Variants in ADGRD1 observed in about 807,000 individuals in gnomAD.
ADGRD1 encodes G-protein coupled receptor 133.
ADGRD1 carries 77 observed loss-of-function variants against 113.4 expected under a neutral mutation model. The observed-to-expected ratio is 0.68, with a 90% CI of 0.57 to 0.82. ADGRD1 has a LOEUF of 0.82. ADGRD1 is among the 40% of genes least tolerant of loss of function. The pLI is 0.00. For missense variants in ADGRD1, 1,036 were observed against 1,139.1 expected (o/e 0.91, Z 1.30); for synonymous variants, 474 against 475.0 (o/e 1.00, Z 0.03).
chr12:130,976,655 A>T (rs1449536924), intron 4 of ADGRD1: 1 of 152,166 alleles, frequency 6.6e-6, no homozygotes, highest in Non-Finnish European at 1.5e-5. Flanking sequence ...GGGTGGATCC[A>T]AATACCCCAG....
At chr12:131,026,339 C>A (rs984507437) in intron 13 of ADGRD1, 1 of 152,142 alleles carries the variant, frequency 6.6e-6, no homozygotes, top group African/African-American at 2.4e-5. Context: ...ATTTTAATGT[C>A]TGCGGGGGGG....
chr12:131,135,322 C>G (rs1450521680), intron 21 of ADGRD1, among the ~76,000 whole-genome samples: 3 of 152,178 alleles, frequency 2.0e-5, no homozygotes. Context: ...CCTGCCTCTC[C>G]TGTGTCAAGA....
intron 13 of ADGRD1, among the ~76,000 whole-genome samples, chr12:131,032,338 C>A (rs28739280): frequency 1.3e-5 from 2 of 151,822 alleles, no homozygotes; most frequent in South Asian, 2.1e-4. Context: ...AGATCCTCCA[C>A]GAGCACGAAT....
intron 20 of ADGRD1, among the ~76,000 whole-genome samples, chr12:131,129,118 G>C (rs113482656): frequency 7.0e-4 from 71 of 102,154 alleles, no homozygotes; most frequent in South Asian, 1.1e-3. Context: ...GTGACAGGCC[G>C]GCCCTGCTGT....
intron 20 of ADGRD1, among the ~76,000 whole-genome samples, chr12:131,130,057 T>C (rs1372934365): frequency 2.0e-5 from 3 of 152,260 alleles, no homozygotes; most frequent in African/African-American, 7.2e-5. Context: ...TGAAAACCAC[T>C]GACCTGTCAT....
chr12:131,131,701 C>T, intron 20 of ADGRD1, 24 bp from the exon 21 acceptor site: 1 of 1,563,188 alleles, frequency 6.4e-7, no homozygotes. Context: ...CCCCCCTCAC[C>T]TTCCTCCATG....
chr12:131,038,872 T>C (rs1267869845), intron 13 of ADGRD1, among the ~76,000 whole-genome samples: 1 of 152,192 alleles, frequency 6.6e-6, no homozygotes, highest in East Asian at 1.9e-4. Flanking sequence ...TTTAAATAAT[T>C]GCAAAACATA....
chr12:131,104,767 G>A (rs959465339), intron 15 of ADGRD1, 64 bp from the exon 16 acceptor site: 7 of 1,174,752 alleles, frequency 6.0e-6, no homozygotes, highest in Non-Finnish European at 7.3e-6. Flanking sequence ...TGGGCCCTCT[G>A]CAGCTTCAGG....
Position 130,984,693 on chromosome 12 carries a change from A to G in ADGRD1, c.491-2402A>G, listed in dbSNP as rs1007273220. Among the ~76,000 whole-genome samples the G allele has an allele frequency of 6.6e-6, 1 of 151,984 alleles. No individual in the cohort carries two copies. Among genetic ancestry groups the G allele is most frequent in the African/African-American group, 2.4e-5 (1 of 41,350 alleles). ...ATTTGCTCTCGGTGTTGTACATTCT[A>G]TGGGTTGGTGAGGTTGATCTTTCGC... On this transcript the variant is annotated intron_variant, in intron 5 of 24. Coordinates refer to ENST00000261654, the MANE Select transcript of ADGRD1 (RefSeq NM_198827.5). This position sits in a 1 kb window ranked among gnomAD's most constrained non-coding sequence, Gnocchi z 4.1.
At chr12:130,973,945 A>G (rs1302479759) in intron 4 of ADGRD1, among the ~76,000 whole-genome samples, 2 of 152,220 alleles carry the variant, frequency 1.3e-5, no homozygotes, top group African/African-American at 4.8e-5. Flanking sequence ...AAGAAAAGAA[A>G]GGAAACAAAG....
chr12:131,042,970 G>A (rs1053409372), intron 13 of ADGRD1, among the ~76,000 whole-genome samples: 3 of 152,230 alleles, frequency 2.0e-5, no homozygotes, highest in East Asian at 1.9e-4. Flanking sequence ...GCGAGGCTGC[G>A]GCCCTCCCCG....
chr12:131,128,164 G>A (rs1950794841), intron 20 of ADGRD1, among the ~76,000 whole-genome samples: 3 of 148,602 alleles, frequency 2.0e-5, no homozygotes, highest in Admixed American at 6.7e-5. Flanking sequence ...GAGCTCAGGT[G>A]GGGTGTTGAT....
At position 131,075,118 on chromosome 12, in the gene ADGRD1, T is replaced by A. The variant is rs1450540464; in HGVS notation, c.1474-1683T>A. 6.6e-6 allele frequency among the ~76,000 whole-genome samples: 1 copy of A among 152,182 alleles called. No individual in the cohort carries two copies. The highest frequency in any genetic ancestry group is 1.5e-5 in the Non-Finnish European group (1 of 68,034). The stretch of plus-strand genomic sequence containing the variant: ...GATGTGTATGGGTCTGGCTGCTGGC[T>A]TCCCCAGGTCACCGACTTATTTTTT... On this transcript the variant is annotated intron_variant, in intron 13 of 24. Coordinates refer to ENST00000261654, the MANE Select transcript of ADGRD1 (RefSeq NM_198827.5). The surrounding 1 kb of genome is among the most constrained non-coding windows in gnomAD (Gnocchi z 5.3).
At chr12:130,985,017 G>A (rs972834523) in intron 5 of ADGRD1, among the ~76,000 whole-genome samples, 8 of 151,456 alleles carry the variant, frequency 5.3e-5, no homozygotes, top group African/African-American at 1.2e-4. Flanking sequence ...TTACTGCAGC[G>A]TTTAACTCCA....
Position 131,076,794 on chromosome 12 carries a change from A to T in ADGRD1, c.1474-7A>T, listed in dbSNP as rs1237165474. 1 of 1,613,658 alleles carries T rather than the reference A, an allele frequency of 6.2e-7. No homozygotes were observed. Among genetic ancestry groups the T allele is most frequent in the Non-Finnish European group, 8.5e-7 (1 of 1,179,610 alleles). Reference sequence around the variant, plus strand: ...TCATGCATCGTGTTTGCTTTCTTTCATTTCAGACACGTAAGCAGCACAGTG... The same window carrying T: ...TCATGCATCGTGTTTGCTTTCTTTCTTTTCAGACACGTAAGCAGCACAGTG... On this transcript the variant is annotated splice_region_variant and splice_polypyrimidine_tract_variant and intron_variant, in intron 13 of 24. Transcript: ENST00000261654.
At position 130,982,827 on chromosome 12, in the gene ADGRD1, G is replaced by A. The variant is rs530599619; in HGVS notation, c.490+764G>A. Among the ~76,000 whole-genome samples, 125 of 152,274 alleles carry A rather than the reference G, an allele frequency of 8.2e-4. 1 individual carries two copies. The highest frequency in any genetic ancestry group is 3.0e-3 in the African/African-American group (123 of 41,556). ...AGGTCTGAAGTGGAAGCTGGAGAAG[G>A]GGAACAGGTGGCTGGGGACACAGAA... On this transcript the variant is annotated intron_variant, in intron 5 of 24. Coordinates refer to ENST00000261654, the MANE Select transcript of ADGRD1 (RefSeq NM_198827.5).
At chr12:131,072,615 G>T (rs1394935239) in intron 13 of ADGRD1, among the ~76,000 whole-genome samples, 2 of 152,208 alleles carry the variant, frequency 1.3e-5, no homozygotes, top group African/African-American at 4.8e-5. Context: ...TGTGTGTGGG[G>T]GGTGGCGCCT....
At chr12:130,991,243 C>A (rs1444977097) in intron 7 of ADGRD1, 165 bp downstream of exon 7, 2 of 586,940 alleles carry the variant, frequency 3.4e-6, no homozygotes, top group Non-Finnish European at 6.1e-6. Flanking sequence ...AGTACTAATT[C>A]TTGGTGCTAA....
In ADGRD1 at chr12:131,139,860, C is replaced by T. The variant is rs1951200188; in HGVS notation, c.*597C>T. ...CGTGGGCCAACCTGTGCTGTGTCAT[C>T]AGTTGGGGGCCCCTGCCCAAGCCGA... On this transcript the variant is annotated 3_prime_UTR_variant, in exon 25 of 25. Coordinates refer to ENST00000261654, the MANE Select transcript of ADGRD1 (RefSeq NM_198827.5). 1 of 152,672 alleles carries T rather than the reference C, an allele frequency of 6.5e-6. No individual in the cohort carries two copies. Among genetic ancestry groups the T allele is most frequent in the East Asian group, 1.9e-4 (1 of 5,196 alleles). 9.5% of individuals were successfully genotyped at this position (152,672 alleles called of 1,614,324 possible). A position where few individuals can be genotyped will look rare whatever the true frequency, so the allele number is the denominator to read the frequency against.
Sources: allele counts gnomAD v4.1 joint callset (sites outside exome capture counted in the v4.1 genomes callset), GRCh38; gene constraint gnomAD v4.1.1; non-coding constraint Gnocchi (gnomAD v3.1); transcripts MANE v1.5; gene names NCBI Gene and HGNC (gene_info 2026-07-23, HGNC 2026-07-21).